The following PCDHGA1 variants were observed in gnomAD, a reference collection of about 807,000 sequenced individuals.
PCDHGA1 encodes protocadherin gamma subfamily A, 1.
A neutral mutation model predicts 58.0 loss-of-function variants in PCDHGA1; 32 were observed. The ratio of observed to expected loss-of-function variants is 0.55; its 90% CI spans 0.42 to 0.74. The LOEUF (loss-of-function observed/expected upper bound fraction) is 0.74, where lower values mean the gene tolerates loss of function less well. PCDHGA1 is among the 30% of genes least tolerant of loss of function. The pLI is 0.00. For synonymous variants in PCDHGA1, 498 were observed against 501.1 expected, an observed-to-expected ratio of 0.99 and a Z score of 0.08; for missense variants, 1,205 against 1,182.3, an observed-to-expected ratio of 1.02 and a Z score of -0.28.
intron 1 of PCDHGA1, chr5:141,344,075 C>T (rs1168274705): frequency 6.2e-6 from 10 of 1,608,968 alleles, no homozygotes; most frequent in Non-Finnish European, 8.5e-6. Context: ...GAGGACTGGC[C>T]CTGCTGTGCG....
chr5:141,428,324 T>C, intron 1 of PCDHGA1: 1 of 642,806 alleles, frequency 1.6e-6, no homozygotes, highest in Non-Finnish European at 2.8e-6. Flanking sequence ...TTGGCCTTGA[T>C]TTCTATGCTC....
chr5:141,487,590 C>G lies in PCDHGA1; in HGVS notation c.2422-7217C>G. 1 of 1,614,160 alleles carries G rather than the reference C, an allele frequency of 6.2e-7. No homozygotes were observed. Among genetic ancestry groups the G allele is most frequent in the Non-Finnish European group, 8.5e-7 (1 of 1,180,040 alleles). ...GAGCCTGTTCGCCCAAGCTGCCCACCCTCTGATCTTCTCTATGGGCTAGAG... is the reference window on the plus strand; with the variant it reads ...GAGCCTGTTCGCCCAAGCTGCCCACGCTCTGATCTTCTCTATGGGCTAGAG... On this transcript the variant is annotated intron_variant, in intron 1 of 3. Transcript: ENST00000517417. The surrounding 1 kb of genome is among the most constrained non-coding windows in gnomAD (Gnocchi z 5.0).
At chr5:141,456,687 A>G (rs1053490307) in intron 1 of PCDHGA1, among the ~76,000 whole-genome samples, 1 of 152,156 alleles carries the variant, frequency 6.6e-6, no homozygotes. Context: ...ATTACTGGCC[A>G]GGCGTGGTGG....
chr5:141,383,351 G>C, intron 1 of PCDHGA1: 1 of 1,613,992 alleles, frequency 6.2e-7, no homozygotes, highest in Non-Finnish European at 8.5e-7. Flanking sequence ...CCTGGGGTTC[G>C]GTTTCCGTTA....
intron 1 of PCDHGA1, chr5:141,364,748 G>A: frequency 1.2e-6 from 2 of 1,613,978 alleles, no homozygotes; most frequent in South Asian, 1.1e-5. Flanking sequence ...AGAGTTAAAA[G>A]TAAAAGTTAA....
chr5:141,399,405 G>A (rs768053678), intron 1 of PCDHGA1: 1 of 1,613,974 alleles, frequency 6.2e-7, no homozygotes, highest in Admixed American at 1.7e-5. Flanking sequence ...GGGGCAAGCC[G>A]CCCCTCTCCT....
chr5:141,448,818 G>A (rs2098609016), intron 1 of PCDHGA1, among the ~76,000 whole-genome samples: 1 of 151,984 alleles, frequency 6.6e-6, no homozygotes, highest in Admixed American at 6.6e-5. Context: ...GATGGCGGGC[G>A]CCTGTAGTCC....
intron 1 of PCDHGA1, chr5:141,362,028 C>T (rs749282896): frequency 6.2e-7 from 1 of 1,608,888 alleles, no homozygotes; most frequent in East Asian, 2.2e-5. Flanking sequence ...CAGCGCGTGC[C>T]TTGGGCGACA....
At chr5:141,359,367 A>T (rs1214745002) in intron 1 of PCDHGA1, among the ~76,000 whole-genome samples, 1 of 152,144 alleles carries the variant, frequency 6.6e-6, no homozygotes, top group African/African-American at 2.4e-5. Flanking sequence ...GGCCTAGGAA[A>T]GCAGTAGATA....
intron 1 of PCDHGA1, among the ~76,000 whole-genome samples, chr5:141,469,716 A>G (rs1189597018): frequency 3.9e-5 from 6 of 152,260 alleles, no homozygotes; most frequent in African/African-American, 1.4e-4. Context: ...CACTATTAGG[A>G]ATTTATCATA....
chr5:141,414,067 C>G (rs998058224), intron 1 of PCDHGA1: 1 of 1,607,570 alleles, frequency 6.2e-7, no homozygotes, highest in Non-Finnish European at 8.5e-7. Flanking sequence ...GAAGTTCCAA[C>G]TAAACAAATA....
rs758172962 is a variant in PCDHGA1, at chr5:141,364,474, A to G, written c.2421+31369A>G. 6.8e-6 allele frequency: 11 copies of G among 1,614,012 alleles called. 1 individual carries two copies. Among genetic ancestry groups the G allele is most frequent in the Middle Eastern group, 1.7e-4 (1 of 6,056 alleles). Reference sequence around the variant, plus strand: ...ACAAAGGCTCCTTCGTCGGCAACATAGCCAAGGACCTTGGGCTGGAGCCCC... The same window carrying G: ...ACAAAGGCTCCTTCGTCGGCAACATGGCCAAGGACCTTGGGCTGGAGCCCC... On this transcript the variant is annotated intron_variant, in intron 1 of 3. Transcript: ENST00000517417.
chr5:141,499,570 A>G (rs1027373056), intron 2 of PCDHGA1, among the ~76,000 whole-genome samples: 2 of 152,200 alleles, frequency 1.3e-5, no homozygotes, highest in African/African-American at 4.8e-5. Context: ...TCCAGCTTCA[A>G]CTAATGCCTT....
chr5:141,473,377 C>T (rs2099320819), intron 1 of PCDHGA1, among the ~76,000 whole-genome samples: 1 of 152,202 alleles, frequency 6.6e-6, no homozygotes, highest in Admixed American at 6.5e-5. Flanking sequence ...TAGCATGGTC[C>T]CTGCCCTCCT....
At chr5:141,336,951 A>G (rs930555785) in intron 1 of PCDHGA1, among the ~76,000 whole-genome samples, 4 of 152,232 alleles carry the variant, frequency 2.6e-5, no homozygotes, top group Admixed American at 1.3e-4. Context: ...AAACAATTGG[A>G]TGTTAAAATG....
chr5:141,399,106 T>C, intron 1 of PCDHGA1: 2 of 1,613,784 alleles, frequency 1.2e-6, no homozygotes, highest in Non-Finnish European at 1.7e-6. Context: ...GGTTGCACAA[T>C]GTACAGTTGA....
intron 1 of PCDHGA1, among the ~76,000 whole-genome samples, chr5:141,435,157 A>G (rs1387976305): frequency 6.6e-6 from 1 of 152,176 alleles, no homozygotes; most frequent in Non-Finnish European, 1.5e-5. Context: ...AAACTTTTGT[A>G]AATAGAGTGG....
intron 1 of PCDHGA1, among the ~76,000 whole-genome samples, chr5:141,483,015 G>A (rs916071219): frequency 2.0e-5 from 3 of 152,044 alleles, no homozygotes; most frequent in African/African-American, 7.2e-5. Context: ...AACCCGGGAG[G>A]CAGAGGTTGC....
intron 1 of PCDHGA1, among the ~76,000 whole-genome samples, chr5:141,450,470 AGTTT>A (rs199699353): frequency 4.6e-5 from 7 of 151,680 alleles, no homozygotes; most frequent in Non-Finnish European, 8.8e-5. Flanking sequence ...TTATATATAG[AGTTT>A]GTTTGTTTGT....
Sources: allele counts gnomAD v4.1 joint callset (sites outside exome capture counted in the v4.1 genomes callset), GRCh38; gene constraint gnomAD v4.1.1; non-coding constraint Gnocchi (gnomAD v3.1); transcripts MANE v1.5; gene names NCBI Gene and HGNC (gene_info 2026-07-23, HGNC 2026-07-21).